Variants in LRRK2 observed in about 807,000 individuals in gnomAD.
LRRK2 encodes the protein leucine rich repeat kinase 2.
A neutral mutation model predicts 302.6 loss-of-function variants in LRRK2; 203 were observed. That is an observed-to-expected ratio of 0.67 (90% CI 0.60 to 0.75). The LOEUF is 0.75. LRRK2 is among the 30% of genes least tolerant of loss of function. LRRK2 has a pLI of 0.00. For missense variants in LRRK2, 2,830 were observed against 2,951.0 expected (o/e 0.96, Z 0.95); for synonymous variants, 1,066 against 1,031.9 (o/e 1.03, Z -0.63).
intron 3 of LRRK2, among the ~76,000 whole-genome samples, chr12:40,235,033 G>A (rs1592139050): frequency 6.6e-6 from 1 of 152,012 alleles, no homozygotes; most frequent in East Asian, 1.9e-4. Context: ...CTTTATTAAA[G>A]TATAGTTGAC....
intron 26 of LRRK2, among the ~76,000 whole-genome samples, chr12:40,303,645 A>G (rs1343927880): frequency 6.6e-6 from 1 of 152,080 alleles, no homozygotes; most frequent in African/African-American, 2.4e-5. Flanking sequence ...TAGCTTTAGA[A>G]TGTGTTTAAC....
chr12:40,283,777 G>T, intron 18 of LRRK2, 98 bp from the exon 19 acceptor site: 1 of 1,015,826 alleles, frequency 9.8e-7, no homozygotes. Context: ...TTCCAAATTG[G>T]AGATGTAGAG....
rs1438627316 is a variant in LRRK2 at position 40,277,972 on chromosome 12, T to C, written c.2026T>C (p.Phe676Leu). The C allele has an allele frequency of 6.2e-7, 1 of 1,613,564 alleles. No homozygotes were observed. The highest frequency in any genetic ancestry group is 8.5e-7 in the Non-Finnish European group (1 of 1,179,850). The change falls in exon 17 of 51, where the codon TTC becomes CTC. Residue 676 changes from phenylalanine to leucine, a missense_variant. Physicochemically the swap from Phe to Leu is conservative, Grantham distance 22 (BLOSUM62 0). Coordinates refer to ENST00000298910, the MANE Select transcript of LRRK2 (RefSeq NM_198578.4). ...GCATCATTCATTTGACTTAGTAATA[T>C]TCCATCAAATGTCTTCCAATATCAT... ...LVHHSFDLVI[F>L]HQMSSNIMEQ...
intron 46 of LRRK2, among the ~76,000 whole-genome samples, chr12:40,358,789 T>C (rs1354055430): frequency 6.6e-6 from 1 of 152,190 alleles, no homozygotes; most frequent in Non-Finnish European, 1.5e-5. Flanking sequence ...GGGAATTTCA[T>C]TGAATCTGTA....
chr12:40,289,073 T>C (rs1382106357), intron 20 of LRRK2, among the ~76,000 whole-genome samples: 4 of 151,868 alleles, frequency 2.6e-5, no homozygotes, highest in Non-Finnish European at 4.4e-5. Context: ...ACATTTTAAG[T>C]TGATTTTTGT....
intron 46 of LRRK2, among the ~76,000 whole-genome samples, chr12:40,357,832 G>A (rs112677925): frequency 0.031 from 4,710 of 152,224 alleles, 104 homozygotes; most frequent in Non-Finnish European, 0.048. Context: ...GCTCACAGTG[G>A]CATGATCATA....
At chr12:40,276,744 G>A (rs1943471813) in intron 16 of LRRK2, among the ~76,000 whole-genome samples, 1 of 152,114 alleles carries the variant, frequency 6.6e-6, no homozygotes, top group Non-Finnish European at 1.5e-5. Flanking sequence ...CATAAATTAA[G>A]GCTACTTTGC....
chr12:40,308,050 G>A (rs184031255), intron 28 of LRRK2, among the ~76,000 whole-genome samples: 33 of 151,892 alleles, frequency 2.2e-4, no homozygotes, highest in African/African-American at 7.5e-4. Flanking sequence ...AAAATGCAGG[G>A]ATTACAGGTG....
At chr12:40,353,034 G>A (rs1474206586) in intron 44 of LRRK2, among the ~76,000 whole-genome samples, 16 of 152,008 alleles carry the variant, frequency 1.1e-4, no homozygotes, top group Non-Finnish European at 1.8e-4. Flanking sequence ...CAGAAGGGGC[G>A]GCCGGGCAGA....
intron 45 of LRRK2, among the ~76,000 whole-genome samples, chr12:40,355,547 CTT>C (rs112905910): frequency 0.016 from 1,354 of 87,152 alleles, 40 homozygotes; most frequent in African/African-American, 0.048. Context: ...CTTCCTTCTT[CTT>C]TTTTTTTTTT....
At chr12:40,319,703 A>G (rs1016045548) in intron 33 of LRRK2, among the ~76,000 whole-genome samples, 6 of 152,040 alleles carry the variant, frequency 3.9e-5, no homozygotes, top group African/African-American at 1.4e-4. Context: ...TGATCTTTCC[A>G]TTGTAGCTAG....
Position 40,304,081 on chromosome 12 carries a change from T to A in LRRK2, c.3724T>A (p.Tyr1242Asn). ...CATCTTGGACTTGAGTGAAAAAGCA[T>A]ATTTATGGTCTAGAGTAGAGAAACT... ...ISILDLSEKA[Y>N]LWSRVEKLHL... is the part of the protein sequence containing the mutation. The change falls in exon 27 of 51, where the codon TAT becomes AAT. Residue 1242 changes from tyrosine (Y) to asparagine (N), a missense_variant. Tyr to Asn is a moderately radical substitution (Grantham distance 143). Transcript: ENST00000298910. 1 of 1,613,690 alleles carries A rather than the reference T, an allele frequency of 6.2e-7. No homozygotes were observed. Among genetic ancestry groups the A allele is most frequent in the Non-Finnish European group, 8.5e-7 (1 of 1,179,726 alleles).
intron 24 of LRRK2, among the ~76,000 whole-genome samples, chr12:40,298,857 T>TATAATAC (rs1944504515): frequency 1.1e-5 from 1 of 93,694 alleles, no homozygotes; most frequent in Non-Finnish European, 2.2e-5. Flanking sequence ...ATATAATACC[T>TATAATAC]ATATATTATA....
rs148143226 is a variant in LRRK2 at position 40,356,145 on chromosome 12, C to T, written c.6801C>T (p.Thr2267=). 2.7e-4 allele frequency: 435 copies of T among 1,612,268 alleles called. No homozygotes were observed. The highest frequency in any genetic ancestry group is 3.2e-4 in the Non-Finnish European group (380 of 1,179,210). The change falls in exon 46 of 51, where the codon ACC becomes ACT. Residue 2267 remains threonine, a synonymous_variant. Coordinates refer to ENST00000298910, the MANE Select transcript of LRRK2 (RefSeq NM_198578.4). The stretch of plus-strand genomic sequence containing the variant: ...AAAAAAATTTTCTTTTGGTTGGAAC[C>T]GCTGATGGCAAGTTAGCAATTTTTG... The part of the protein sequence containing the change: ...SKQKNFLLVG[T]ADGKLAIFED...
At chr12:40,265,109 A>G (rs1042823676) in intron 14 of LRRK2, among the ~76,000 whole-genome samples, 10 of 152,192 alleles carry the variant, frequency 6.6e-5, no homozygotes, top group African/African-American at 2.4e-4. Context: ...ACTGCCTATA[A>G]TATGTTTGAG....
intron 40 of LRRK2, among the ~76,000 whole-genome samples, chr12:40,337,571 C>T (rs1945911014): frequency 6.6e-6 from 1 of 152,186 alleles, no homozygotes; most frequent in Non-Finnish European, 1.5e-5. Context: ...ATGCATTTGT[C>T]CACCAGGTCC....
In LRRK2 at chr12:40,368,184, T is replaced by A. The variant is rs202030334; in HGVS notation, c.*419T>A. ...AGAAATCTGCACGGTATAATGAAAA[T>A]ATTAAGACAGTTTCCCATGTAATGT... On this transcript the variant is annotated 3_prime_UTR_variant, in exon 51 of 51. Coordinates refer to ENST00000298910, the MANE Select transcript of LRRK2 (RefSeq NM_198578.4). The A allele has an allele frequency of 1.7e-4, 26 of 154,960 alleles. No homozygotes were observed. Among genetic ancestry groups the A allele is most frequent in the Non-Finnish European group, 3.4e-4 (24 of 69,908 alleles). 9.6% of individuals were successfully genotyped at this position (154,960 alleles called of 1,614,324 possible).
chr12:40,356,680 T>C (rs1284847431), intron 46 of LRRK2, among the ~76,000 whole-genome samples: 6 of 152,192 alleles, frequency 3.9e-5, no homozygotes, highest in Non-Finnish European at 8.8e-5. Flanking sequence ...TTCATTCTCC[T>C]ATTGCCAAAA....
intron 13 of LRRK2, among the ~76,000 whole-genome samples, chr12:40,260,305 C>T (rs1322300328): frequency 5.9e-5 from 9 of 151,584 alleles, no homozygotes; most frequent in African/African-American, 1.7e-4. Context: ...GTGAGAGAGG[C>T]GATGATAGAT....
Sources: gnomAD v4.1 joint callset for allele counts (sites outside exome capture counted in the v4.1 genomes callset) on GRCh38, gnomAD v4.1.1 for gene constraint, MANE v1.5 for transcripts, NCBI Gene and HGNC (gene_info 2026-07-23, HGNC 2026-07-21) for gene names.